Variants in MYOF observed in about 807,000 individuals in gnomAD.
MYOF encodes the protein myoferlin.
In MYOF, 244 loss-of-function variants were observed where a neutral mutation model predicts 284.2. That is an observed-to-expected ratio of 0.86 (90% CI 0.77 to 0.95). MYOF has a LOEUF of 0.95. MYOF is among the 40% of genes least tolerant of loss of function. The pLI is 0.00. For missense variants in MYOF, 2,496 were observed against 2,560.6 expected (o/e 0.97, Z 0.54); for synonymous variants, 904 against 919.7 (o/e 0.98, Z 0.31).
intron 27 of MYOF, among the ~76,000 whole-genome samples, chr10:93,362,288 C>T (rs937812725): frequency 2.0e-5 from 3 of 151,864 alleles, no homozygotes; most frequent in African/African-American, 7.3e-5. Flanking sequence ...CTCTGTCGCC[C>T]AGGCTGGAGT....
chr10:93,458,101 C>T (rs1185855354), intron 1 of MYOF, among the ~76,000 whole-genome samples: 1 of 151,898 alleles, frequency 6.6e-6, no homozygotes, highest in Non-Finnish European at 1.5e-5. Context: ...GCCTGTAATC[C>T]CAGCACTTAT....
In MYOF at chr10:93,306,720, A is replaced by AAAAACATGATT. The variant is rs769749025; in HGVS notation, c.*232_*242dup. 4.8e-5 allele frequency: 22 copies of AAAAACATGATT among 462,240 alleles called. No individual in the cohort carries two copies. The highest frequency in any genetic ancestry group is 4.9e-5 in the Non-Finnish European group (13 of 265,238). 28.6% of individuals were successfully genotyped at this position (462,240 alleles called of 1,614,324 possible). The stretch of plus-strand genomic sequence containing the variant: ...ACCAGCCACCTTGAAAAATATTTTG[A>AAAAACATGATT]AAAACATGATTTAAACTTTAGAAAA... On this transcript the variant is annotated 3_prime_UTR_variant, in exon 54 of 54. Transcript: ENST00000359263.
chr10:93,425,673 C>T (rs1407215977), intron 5 of MYOF: 2 of 200,674 alleles, frequency 1.0e-5, no homozygotes, highest in African/African-American at 4.7e-5. Flanking sequence ...AGAGCAGAGC[C>T]CGGTGGTGGC....
chr10:93,315,504 A>AATAAGTTCCTG (rs1332608593), intron 50 of MYOF, among the ~76,000 whole-genome samples: 1 of 152,098 alleles, frequency 6.6e-6, no homozygotes, highest in East Asian at 1.9e-4. Context: ...TGAGCTGCTA[A>AATAAGTTCCTG]ATAAGTTCCT....
In MYOF at chr10:93,325,895, A is replaced by C. The variant is rs754858460; in HGVS notation, c.5202T>G (p.Thr1734=). 3 of 1,613,978 alleles carry C rather than the reference A, an allele frequency of 1.9e-6. No homozygotes were observed. Among genetic ancestry groups the C allele is most frequent in the Non-Finnish European group, 2.5e-6 (3 of 1,180,030 alleles). Residue 1734 remains threonine, a synonymous_variant, in exon 46 of 54, where the codon ACT becomes ACG. Coordinates refer to ENST00000359263, the MANE Select transcript of MYOF (RefSeq NM_013451.4). ...CCACGTGCTCAGGGACCAGCCCCTG[A>C]GTCCTGAGGATGTGAAGAGCAAGCC... is the stretch of plus-strand genomic sequence containing the variant. ...EERLALHILR[T]QGLVPEHVET...
chr10:93,431,357 T>C, intron 4 of MYOF, 51 bp downstream of exon 4: 1 of 1,509,828 alleles, frequency 6.6e-7, no homozygotes, highest in Non-Finnish European at 9.2e-7. Context: ...TAATGAAATT[T>C]TGCTCAATCA....
rs917331473 is a variant in MYOF at position 93,378,701 on chromosome 10, A to G, written c.2001+1162T>C. Among the ~76,000 whole-genome samples, 100 of 121,174 alleles carry G rather than the reference A, an allele frequency of 8.3e-4. 9 individuals are homozygous for G. Among genetic ancestry groups the G allele is most frequent in the Admixed American group, 1.9e-3 (22 of 11,832 alleles). 79.5% of individuals were successfully genotyped at this position (121,174 alleles called of 152,430 possible). A position where few individuals can be genotyped will look rare whatever the true frequency, so the allele number is the denominator to read the frequency against. On this transcript the variant is annotated intron_variant, in intron 21 of 53. Transcript: ENST00000359263. ...TGTGTATGTGTGTGTGTGTATATAT[A>G]TATATATATATATATGTATATATTT...
At position 93,364,045 on chromosome 10, in the gene MYOF, C is replaced by T. The variant is rs375118316; in HGVS notation, c.2784G>A (p.Thr928=). The change falls in exon 27 of 54, where the codon ACG becomes ACA. Residue 928 remains threonine (T), a synonymous_variant. Coordinates refer to ENST00000359263, the MANE Select transcript of MYOF (RefSeq NM_013451.4). ...SLLTEADAGH[T]EFTDEVYQNE... ...TCTGATAGACTTCATCAGTGAACTCCGTGTGACCTGCATCTGCCTCAGTCA... is the reference window on the plus strand; with the variant it reads ...TCTGATAGACTTCATCAGTGAACTCTGTGTGACCTGCATCTGCCTCAGTCA... The T allele has an allele frequency of 7.2e-5, 116 of 1,614,150 alleles. No individual in the cohort carries two copies. The highest frequency in any genetic ancestry group is 1.7e-4 in the Middle Eastern group (1 of 6,060).
intron 3 of MYOF, among the ~76,000 whole-genome samples, chr10:93,435,943 T>C (rs902762553): frequency 1.3e-5 from 2 of 151,638 alleles, no homozygotes; most frequent in East Asian, 1.9e-4. Context: ...TTCTCTCTTT[T>C]TTTTTTTAAA....
At chr10:93,431,362 C>T (rs1253164261) in intron 4 of MYOF, 46 bp downstream of exon 4, 1 of 1,555,344 alleles carries the variant, frequency 6.4e-7, no homozygotes, top group East Asian at 2.3e-5. Context: ...AAATTTTGCT[C>T]AATCATCTCA....
At chr10:93,371,156 A>G (rs888854523) in intron 24 of MYOF, among the ~76,000 whole-genome samples, 6 of 152,244 alleles carry the variant, frequency 3.9e-5, no homozygotes, top group African/African-American at 1.4e-4. Context: ...TTATGTTACA[A>G]AATCATGCAT....
At chr10:93,434,492 T>C (rs954938119) in intron 3 of MYOF, among the ~76,000 whole-genome samples, 1 of 151,242 alleles carries the variant, frequency 6.6e-6, no homozygotes, top group Non-Finnish European at 1.5e-5. Context: ...AATTTTTGCC[T>C]CCAGAGGGAC....
chr10:93,318,489 T>TGGCTCATACCTATAATCCCAGCA (rs1842714931), intron 49 of MYOF, among the ~76,000 whole-genome samples: 1 of 152,106 alleles, frequency 6.6e-6, no homozygotes, highest in African/African-American at 2.4e-5. Flanking sequence ...CTGGGCACGG[T>TGGCTCATACCTATAATCCCAGCA]GGCTCATACC....
chr10:93,378,693 G>GTGTGTGTGTGTGTATA, intron 21 of MYOF, among the ~76,000 whole-genome samples: 14 of 87,894 alleles, frequency 1.6e-4, no homozygotes, highest in African/African-American at 6.7e-4. Context: ...GTGTGTGTGT[G>GTGTGTGTGTGTGTATA]TATATATATA....
At chr10:93,314,125 A>AT (rs1318683334) in intron 50 of MYOF, among the ~76,000 whole-genome samples, 1 of 152,132 alleles carries the variant, frequency 6.6e-6, no homozygotes, top group East Asian at 1.9e-4. Flanking sequence ...GTCTCTCTCT[A>AT]TAACCCAGGC....
chr10:93,373,480 A>G (rs765189331), intron 23 of MYOF, among the ~76,000 whole-genome samples: 3 of 151,946 alleles, frequency 2.0e-5, no homozygotes, highest in Non-Finnish European at 4.4e-5. Flanking sequence ...ACCATCCAAT[A>G]TTTGTCAAAT....
intron 1 of MYOF, among the ~76,000 whole-genome samples, chr10:93,474,248 T>C (rs768252451): frequency 6.6e-6 from 1 of 152,194 alleles, no homozygotes; most frequent in Non-Finnish European, 1.5e-5. Flanking sequence ...CCCTGACTAG[T>C]ACTAATCTGC....
At chr10:93,367,270 T>C (rs1050545923) in intron 25 of MYOF, among the ~76,000 whole-genome samples, 14 of 152,240 alleles carry the variant, frequency 9.2e-5, no homozygotes, top group Non-Finnish European at 1.6e-4. Context: ...CTCTTCATCA[T>C]GGCAACCATG....
chr10:93,382,224 A>T (rs1051663214), intron 19 of MYOF, among the ~76,000 whole-genome samples: 1 of 151,906 alleles, frequency 6.6e-6, no homozygotes, highest in Non-Finnish European at 1.5e-5. Context: ...TGAATGAAGC[A>T]TTAATTTTTT....
Sources: gnomAD v4.1 joint callset for allele counts (sites outside exome capture counted in the v4.1 genomes callset) on GRCh38, gnomAD v4.1.1 for gene constraint, MANE v1.5 for transcripts, NCBI Gene and HGNC (gene_info 2026-07-23, HGNC 2026-07-21) for gene names.